The following PKN2 variants were observed in gnomAD, a reference collection of about 807,000 sequenced individuals.
PKN2 encodes protein kinase N2, also known as serine/threonine-protein kinase N2.
In PKN2, 38 loss-of-function variants were observed where a neutral mutation model predicts 119.1. That is an observed-to-expected ratio of 0.32 (90% CI 0.25 to 0.42). The LOEUF (loss-of-function observed/expected upper bound fraction) is 0.42. Ranked by LOEUF, PKN2 falls within the 10% of genes least tolerant of loss-of-function variation. The pLI is 1.00. For synonymous variants in PKN2, 390 were observed against 384.9 expected (o/e 1.01, Z -0.15); for missense variants, 850 against 1,165.1 (o/e 0.73, Z 3.94).
At chr1:88,729,383 A>G (rs1668037387) in intron 1 of PKN2, among the ~76,000 whole-genome samples, 1 of 152,178 alleles carries the variant, frequency 6.6e-6, no homozygotes, top group Non-Finnish European at 1.5e-5. Flanking sequence ...TTCTTCGGGT[A>G]TACTAGGTGT....
intron 6 of PKN2, among the ~76,000 whole-genome samples, chr1:88,780,773 T>C (rs1670305453): frequency 6.6e-6 from 1 of 152,180 alleles, no homozygotes; most frequent in South Asian, 2.1e-4. Flanking sequence ...GCTGAACACA[T>C]TGTTGATACT....
chr1:88,782,249 C>T (rs1428399419), intron 6 of PKN2, among the ~76,000 whole-genome samples: 1 of 152,012 alleles, frequency 6.6e-6, no homozygotes, highest in Non-Finnish European at 1.5e-5. Flanking sequence ...TTCTTGTTCA[C>T]GACTTGTTTT....
At chr1:88,825,582 A>G (rs922349667) in intron 18 of PKN2, among the ~76,000 whole-genome samples, 1 of 152,180 alleles carries the variant, frequency 6.6e-6, no homozygotes. Context: ...ACAAAATTCT[A>G]CTGCCACTTA....
chr1:88,743,880 T>TTTTTTTTTTTTTTTTTTGAGACGG (rs1175726708), intron 2 of PKN2, among the ~76,000 whole-genome samples: 2 of 152,250 alleles, frequency 1.3e-5, no homozygotes, highest in East Asian at 3.9e-4. Context: ...TGACCATTTT[T>TTTTTTTTTTTTTTTTTTGAGACGG]AATACTGACA....
intron 8 of PKN2, among the ~76,000 whole-genome samples, chr1:88,793,028 G>A (rs1209345294): frequency 6.6e-6 from 1 of 152,196 alleles, no homozygotes; most frequent in African/African-American, 2.4e-5. Context: ...GATTTACATA[G>A]TGTTTTAAAT....
At chr1:88,698,233 T>A (rs1407942048) in intron 1 of PKN2, among the ~76,000 whole-genome samples, 1 of 152,148 alleles carries the variant, frequency 6.6e-6, no homozygotes, top group Non-Finnish European at 1.5e-5. Flanking sequence ...TCCATCTTTT[T>A]AAAAGTGGGT....
At position 88,833,423 on chromosome 1, in the gene PKN2, T is replaced by C; in HGVS notation, c.2930T>C (p.Phe977Ser). 1 of 1,613,228 alleles carries C rather than the reference T, an allele frequency of 6.2e-7. No homozygotes were observed. The highest frequency in any genetic ancestry group is 8.5e-7 in the Non-Finnish European group (1 of 1,179,342). The change falls in exon 22 of 22, where the codon TTT becomes TCT. Residue 977 changes from phenylalanine to serine, a missense_variant. Physicochemically the swap from Phe to Ser is radical, Grantham distance 155. Transcript: ENST00000370521. ...SEEEQEMFRD[F>S]DYIADWC ...GAGGAGCAGGAAATGTTCAGAGATT[T>C]TGACTACATTGCTGATTGGTGTTAA...
At chr1:88,829,681 A>C (rs1050879985) in intron 19 of PKN2, among the ~76,000 whole-genome samples, 1 of 152,192 alleles carries the variant, frequency 6.6e-6, no homozygotes, top group Non-Finnish European at 1.5e-5. Context: ...TTTAATAAGT[A>C]ATTGAAGATT....
chr1:88,751,602 C>T (rs1242488817), intron 2 of PKN2, among the ~76,000 whole-genome samples: 1 of 152,118 alleles, frequency 6.6e-6, no homozygotes, highest in Non-Finnish European at 1.5e-5. Context: ...ACTTAGAATA[C>T]TTACATGCTA....
chr1:88,754,244 GTC>G (rs1040451586), intron 2 of PKN2, among the ~76,000 whole-genome samples: 1 of 151,246 alleles, frequency 6.6e-6, no homozygotes, highest in African/African-American at 2.4e-5. Context: ...TTTTCTCTGT[GTC>G]TTTTTATGTC....
intron 19 of PKN2, among the ~76,000 whole-genome samples, chr1:88,831,049 A>G (rs1271352598): frequency 6.6e-6 from 1 of 152,024 alleles, no homozygotes; most frequent in Non-Finnish European, 1.5e-5. Flanking sequence ...GACTCCAGGA[A>G]TAAACAAACA....
Position 88,828,517 on chromosome 1 carries a change from G to A in PKN2, c.2456G>A (p.Gly819Asp). 6.2e-7 allele frequency: 1 copy of A among 1,612,048 alleles called. No homozygotes were observed. Among genetic ancestry groups the A allele is most frequent in the Non-Finnish European group, 8.5e-7 (1 of 1,178,362 alleles). Residue 819 changes from glycine (G) to aspartate (D), a missense_variant, in exon 19 of 22, where the codon GGC becomes GAC. Gly to Asp is a moderately conservative substitution (Grantham distance 94). Transcript: ENST00000370521. ...GGAGATAGAACAAGCACATTTTGTGGCACTCCTGAATTTCTTGCCCCAGAA... is the reference window on the plus strand; with the variant it reads ...GGAGATAGAACAAGCACATTTTGTGACACTCCTGAATTTCTTGCCCCAGAA... ...GYGDRTSTFC[G>D]TPEFLAPEVL...
intron 8 of PKN2, among the ~76,000 whole-genome samples, chr1:88,791,156 G>T (rs1012070575): frequency 1.3e-5 from 2 of 151,652 alleles, no homozygotes; most frequent in Non-Finnish European, 2.9e-5. Flanking sequence ...GCTGTGTGTG[G>T]GCCAGGTGTG....
In PKN2 at chr1:88,711,249, T is replaced by A. The variant is rs190438201; in HGVS notation, c.48+26621T>A. Among the ~76,000 whole-genome samples, 10 of 152,126 alleles carry A rather than the reference T, an allele frequency of 6.6e-5. No individual in the cohort carries two copies. In the East Asian group the frequency reaches 1.7e-3, roughly 26 times the overall value. On this transcript the variant is annotated intron_variant, in intron 1 of 21. Coordinates refer to ENST00000370521, the MANE Select transcript of PKN2 (RefSeq NM_006256.4). ...CTGTACAATAAACCGCCATGACATG[T>A]TTACCTATGTAACAAACCTGCACTT...
intron 6 of PKN2, among the ~76,000 whole-genome samples, chr1:88,782,738 T>A (rs955300516): frequency 1.3e-5 from 2 of 152,220 alleles, no homozygotes. Context: ...TGTTTTGATG[T>A]CCTTGCCTTC....
At chr1:88,754,022 T>C (rs1228155399) in intron 2 of PKN2, among the ~76,000 whole-genome samples, 1 of 122,140 alleles carries the variant, frequency 8.2e-6, no homozygotes, top group Middle Eastern at 3.3e-3. Context: ...CTGTGAAGAC[T>C]GTCTTTGATG....
At chr1:88,705,447 C>A (rs1666937374) in intron 1 of PKN2, among the ~76,000 whole-genome samples, 1 of 151,976 alleles carries the variant, frequency 6.6e-6, no homozygotes, top group Non-Finnish European at 1.5e-5. Flanking sequence ...GTAATCCCAG[C>A]ACTCTGGGAG....
In PKN2 at chr1:88,796,951, T is replaced by C. The variant is rs1570645060; in HGVS notation, c.1282-7440T>C. The stretch of plus-strand genomic sequence containing the variant: ...CTTTTTTTTTTTTTTTGCTGCAGCA[T>C]ACCCAAAGAATACAACACACTCTAG... On this transcript the variant is annotated intron_variant, in intron 8 of 21. Coordinates refer to ENST00000370521, the MANE Select transcript of PKN2 (RefSeq NM_006256.4). 2.7e-5 allele frequency among the ~76,000 whole-genome samples: 4 copies of C among 149,628 alleles called. 1 individual carries two copies. The highest frequency in any genetic ancestry group is 2.0e-4 in the Admixed American group (3 of 15,016).
intron 16 of PKN2, among the ~76,000 whole-genome samples, chr1:88,820,322 G>A (rs1672222760): frequency 6.7e-6 from 1 of 148,558 alleles, no homozygotes; most frequent in Non-Finnish European, 1.5e-5. Flanking sequence ...ATCACCTGAG[G>A]TCGGAAGTTC....
Sources: allele counts gnomAD v4.1 joint callset (sites outside exome capture counted in the v4.1 genomes callset), GRCh38; gene constraint gnomAD v4.1.1; transcripts MANE v1.5; gene names NCBI Gene and HGNC (gene_info 2026-07-23, HGNC 2026-07-21).